Variants in LIPI observed in about 807,000 individuals in gnomAD.
The protein encoded by LIPI is lipase member I.
A neutral mutation model predicts 50.6 loss-of-function variants in LIPI; 59 were observed. The ratio of observed to expected loss-of-function variants is 1.16; its 90% confidence interval spans 0.94 to 1.45. LIPI has a LOEUF of 1.45. LIPI is among the 40% of genes most tolerant of loss of function. The pLI is 0.00. For synonymous variants in LIPI, 203 were observed against 178.2 expected, an observed-to-expected ratio of 1.14 and a Z score of -1.11; for missense variants, 586 against 536.3, an observed-to-expected ratio of 1.09 and a Z score of -0.92.
At position 14,171,143 on chromosome 21, in the gene LIPI, G is replaced by C. The variant is rs567047870; in HGVS notation, c.644-4692C>G. On this transcript the variant is annotated intron_variant, in intron 4 of 9. Transcript: ENST00000681601. Reference sequence around the variant, plus strand: ...GCTTCAAAGAGAATAAAATACCTAGGAATCCAACTTACAAGGGATGTGATT... The same window carrying C: ...GCTTCAAAGAGAATAAAATACCTAGCAATCCAACTTACAAGGGATGTGATT... Among the ~76,000 whole-genome samples, 4 of 150,356 alleles carry C rather than the reference G, an allele frequency of 2.7e-5. 1 individual carries two copies. In the South Asian group the frequency reaches 8.5e-4, roughly 32 times the overall value.
intron 1 of LIPI, among the ~76,000 whole-genome samples, chr21:14,210,527 C>A (rs905700941): frequency 6.6e-6 from 1 of 151,906 alleles, no homozygotes; most frequent in Admixed American, 6.6e-5. Flanking sequence ...TATTTATTCT[C>A]TAGTTACATC....
At position 14,119,145 on chromosome 21, in the gene LIPI, T is replaced by C. The variant is rs536053471; in HGVS notation, c.1296-10065A>G. 2.0e-5 allele frequency among the ~76,000 whole-genome samples: 3 copies of C among 152,312 alleles called. No individual in the cohort carries two copies. The East Asian group carries it at 5.8e-4, about 29-fold the overall frequency. On this transcript the variant is annotated intron_variant, in intron 9 of 9. Transcript: ENST00000681601. ...GCCTTTGATTGGGCCCATCTCAGTA[T>C]ACCTGGACTAGACTTCTCCAAGGAT...
At chr21:14,186,997 T>C (rs924681062) in intron 2 of LIPI, among the ~76,000 whole-genome samples, 2 of 152,200 alleles carry the variant, frequency 1.3e-5, no homozygotes, top group African/African-American at 4.8e-5. Flanking sequence ...TAGGTCTCAC[T>C]CCAAAATTAT....
Position 14,189,506 on chromosome 21 carries a change from G to A in LIPI, c.47-87C>T, listed in dbSNP as rs145583567. On this transcript the variant is annotated intron_variant, in intron 1 of 9. Transcript: ENST00000681601. ...TGCAAAGAACAGAATTAAATGTGGA[G>A]GGTAGGGAGGATTTCATTTCATGAG... is the stretch of plus-strand genomic sequence containing the variant. The A allele has an allele frequency of 1.0e-4, 123 of 1,202,968 alleles. No homozygotes were observed. The African/African-American group carries it at 1.2e-3, about 12-fold the overall frequency. 74.5% of individuals were successfully genotyped at this position (1,202,968 alleles called of 1,614,324 possible). A position where few individuals can be genotyped will look rare whatever the true frequency, so the allele number is the denominator to read the frequency against.
At chr21:14,188,316 C>T (rs1185479490) in intron 2 of LIPI, among the ~76,000 whole-genome samples, 2 of 151,982 alleles carry the variant, frequency 1.3e-5, no homozygotes, top group African/African-American at 2.4e-5. Flanking sequence ...GCCTGTAATC[C>T]CAGCACTTTG....
chr21:14,206,444 T>C (rs2020227669), intron 1 of LIPI, among the ~76,000 whole-genome samples: 1 of 152,168 alleles, frequency 6.6e-6, no homozygotes. Flanking sequence ...ATTGATTTTA[T>C]GGTGTATAAA....
At chr21:14,147,881 C>A (rs575845370) in intron 8 of LIPI, among the ~76,000 whole-genome samples, 3 of 152,208 alleles carry the variant, frequency 2.0e-5, no homozygotes, top group Non-Finnish European at 2.9e-5. Flanking sequence ...TGATTTGGAT[C>A]CAGGCTCATG....
rs541813153 is a variant in LIPI at position 14,132,996 on chromosome 21, A to T, written c.1295+11627T>A. Among the ~76,000 whole-genome samples, 3 of 152,058 alleles carry T rather than the reference A, an allele frequency of 2.0e-5. No individual in the cohort carries two copies. In the East Asian group the frequency reaches 5.8e-4, roughly 29 times the overall value. On this transcript the variant is annotated intron_variant, in intron 9 of 9. Coordinates refer to ENST00000681601, the MANE Select transcript of LIPI (RefSeq NM_001302998.2). ...GACCAAAAATGAGTAGCAAGATTGA[A>T]TCAACAATAAAATCTCACAACAACA...
At chr21:14,178,915 T>C (rs1401128094) in intron 4 of LIPI, among the ~76,000 whole-genome samples, 2 of 152,200 alleles carry the variant, frequency 1.3e-5, no homozygotes, top group Non-Finnish European at 2.9e-5. Flanking sequence ...ATTCAGAATC[T>C]ACTTAAACAA....
chr21:14,172,804 C>T (rs2018965945), intron 4 of LIPI, among the ~76,000 whole-genome samples: 1 of 151,798 alleles, frequency 6.6e-6, no homozygotes, highest in Non-Finnish European at 1.5e-5. Context: ...CAGCATGGCA[C>T]ATGTATACAT....
chr21:14,121,095 A>G (rs1458178678), intron 9 of LIPI, among the ~76,000 whole-genome samples: 1 of 152,212 alleles, frequency 6.6e-6, no homozygotes, highest in East Asian at 1.9e-4. Context: ...ATTCCCCACC[A>G]GGACAGAAAA....
At chr21:14,140,482 A>T (rs2017666149) in intron 9 of LIPI, among the ~76,000 whole-genome samples, 2 of 152,184 alleles carry the variant, frequency 1.3e-5, no homozygotes, top group South Asian at 4.1e-4. Context: ...TTTGTTTGTG[A>T]CATACAGTTT....
intron 9 of LIPI, among the ~76,000 whole-genome samples, chr21:14,138,714 G>A (rs9980668): frequency 0.14 from 21,595 of 151,746 alleles, 1,835 homozygotes; most frequent in East Asian, 0.42. Flanking sequence ...CATAATCAAT[G>A]TATAAATTAC....
At chr21:14,176,894 G>A (rs1372612993) in intron 4 of LIPI, among the ~76,000 whole-genome samples, 1 of 151,668 alleles carries the variant, frequency 6.6e-6, no homozygotes, top group African/African-American at 2.4e-5. Context: ...ACCCGTTAAC[G>A]CCTCATTTAC....
chr21:14,128,174 T>A (rs1434422925), intron 9 of LIPI, among the ~76,000 whole-genome samples: 1 of 152,120 alleles, frequency 6.6e-6, no homozygotes, highest in Non-Finnish European at 1.5e-5. Context: ...AATGCATGTT[T>A]CAACTGTAAC....
intron 1 of LIPI, among the ~76,000 whole-genome samples, chr21:14,201,601 T>A (rs2020056675): frequency 6.6e-6 from 1 of 152,242 alleles, no homozygotes; most frequent in East Asian, 1.9e-4. Context: ...ATTATCTCAG[T>A]AGATGCAGAA....
chr21:14,117,196 T>A (rs2016680574), intron 9 of LIPI, among the ~76,000 whole-genome samples: 1 of 152,178 alleles, frequency 6.6e-6, no homozygotes, highest in Non-Finnish European at 1.5e-5. Context: ...GGAGAACAGC[T>A]TTATCTTTAT....
At chr21:14,188,014 G>C (rs1159875210) in intron 2 of LIPI, among the ~76,000 whole-genome samples, 1 of 152,056 alleles carries the variant, frequency 6.6e-6, no homozygotes, top group Non-Finnish European at 1.5e-5. Context: ...TTTTAGCAGA[G>C]TCTTGAAAGT....
chr21:14,184,205 T>C (rs1388840710), intron 3 of LIPI, among the ~76,000 whole-genome samples: 2 of 152,008 alleles, frequency 1.3e-5, no homozygotes, highest in Admixed American at 1.3e-4. Context: ...AAACCATCAT[T>C]CTCAGCAAAC....
Sources: gnomAD v4.1 joint callset for allele counts (sites outside exome capture counted in the v4.1 genomes callset) on GRCh38, gnomAD v4.1.1 for gene constraint, MANE v1.5 for transcripts, NCBI Gene and HGNC (gene_info 2026-07-23, HGNC 2026-07-21) for gene names.